Variants in LIPC observed in about 807,000 individuals in gnomAD.
LIPC encodes lipase C, hepatic type.
LIPC carries 44 observed loss-of-function variants against 50.7 expected under a neutral mutation model. The observed-to-expected ratio is 0.87, with a 90% confidence interval of 0.68 to 1.11. LIPC has a LOEUF of 1.11. Ranked by LOEUF, LIPC falls within the 50% of genes most tolerant of loss-of-function variation. LIPC has a pLI of 0.00. For missense variants in LIPC, 697 were observed against 648.2 expected (o/e 1.08, Z -0.82); for synonymous variants, 271 against 256.4 (o/e 1.06, Z -0.54).
intron 5 of LIPC, among the ~76,000 whole-genome samples, chr15:58,546,475 G>A (rs1411781904): frequency 2.0e-5 from 3 of 152,192 alleles, no homozygotes; most frequent in African/African-American, 7.2e-5. Flanking sequence ...GTCCCAATGG[G>A]AAATTCAGCT....
At chr15:58,528,814 C>A (rs1433542387) in intron 1 of LIPC, among the ~76,000 whole-genome samples, 2 of 152,176 alleles carry the variant, frequency 1.3e-5, no homozygotes, top group Non-Finnish European at 2.9e-5. Flanking sequence ...TATAAGGCAC[C>A]CAATTCATCT....
chr15:58,556,450 A>G (rs1356094677), intron 6 of LIPC, among the ~76,000 whole-genome samples: 1 of 152,190 alleles, frequency 6.6e-6, no homozygotes, highest in Non-Finnish European at 1.5e-5. Flanking sequence ...ATAGGATTCC[A>G]ATTAGAATAC....
Position 58,471,336 on chromosome 15 carries a change from G to GGGGGC in LIPC, c.88+39217_88+39218insGGGCG, listed in dbSNP as rs35752762. Among the ~76,000 whole-genome samples, 278 of 135,062 alleles carry GGGGGC rather than the reference G, an allele frequency of 2.1e-3. 3 individuals carry two copies. The highest frequency in any genetic ancestry group is 8.2e-3 in the African/African-American group (255 of 30,960). The allele number at this position is 135,062 out of a possible 152,430, so 88.6% of individuals were successfully genotyped here. A position where few individuals can be genotyped will look rare whatever the true frequency, so the allele number is the denominator to read the frequency against. On this transcript the variant is annotated intron_variant, in intron 1 of 8. Coordinates refer to ENST00000299022, the MANE Select transcript of LIPC (RefSeq NM_000236.3). Reference sequence around the variant, plus strand: ...TGTATTTTTAGTAGAGATGGGGGGGGGTGGTCTCACCATGTTGGCCAAGCT... The same window carrying GGGGGC: ...TGTATTTTTAGTAGAGATGGGGGGGGGGGGCGTGGTCTCACCATGTTGGCCAAGCT...
intron 5 of LIPC, among the ~76,000 whole-genome samples, chr15:58,546,745 C>A (rs772242546): frequency 1.3e-5 from 2 of 152,284 alleles, no homozygotes; most frequent in South Asian, 2.1e-4. Context: ...TCCACCCCTA[C>A]AAGCCACCTC....
chr15:58,490,568 G>A (rs1317729676), intron 1 of LIPC, among the ~76,000 whole-genome samples: 2 of 152,064 alleles, frequency 1.3e-5, no homozygotes, highest in African/African-American at 4.8e-5. Context: ...AATCTGGCCC[G>A]TCACGCCAGC....
intron 6 of LIPC, among the ~76,000 whole-genome samples, chr15:58,550,064 G>A (rs1407898761): frequency 1.3e-5 from 2 of 152,190 alleles, no homozygotes; most frequent in Non-Finnish European, 2.9e-5. Flanking sequence ...TTCAGATGGG[G>A]AAACCAAGGC....
At chr15:58,488,035 C>CCAAG (rs1891437285) in intron 1 of LIPC, among the ~76,000 whole-genome samples, 1 of 152,340 alleles carries the variant, frequency 6.6e-6, no homozygotes, top group African/African-American at 2.4e-5. Context: ...CTTGGGGAGG[C>CCAAG]CAAGGCCAGT....
At chr15:58,484,177 G>A (rs1891286492) in intron 1 of LIPC, among the ~76,000 whole-genome samples, 1 of 152,154 alleles carries the variant, frequency 6.6e-6, no homozygotes, top group Non-Finnish European at 1.5e-5. Flanking sequence ...CCTGGTTATA[G>A]CAAGGCTGTC....
chr15:58,565,198 C>G (rs1472210205), intron 8 of LIPC: 1 of 1,535,514 alleles, frequency 6.5e-7, no homozygotes, highest in African/African-American at 1.4e-5. Flanking sequence ...CAGGATCAAT[C>G]TGGGAAGATT....
intron 1 of LIPC, among the ~76,000 whole-genome samples, chr15:58,523,679 G>C (rs920037441): frequency 3.0e-4 from 45 of 152,218 alleles, no homozygotes; most frequent in African/African-American, 1.1e-3. Context: ...AACACTTTGG[G>C]AGCCCGAGGC....
chr15:58,515,837 T>C (rs1471619202), intron 1 of LIPC, among the ~76,000 whole-genome samples: 1 of 152,154 alleles, frequency 6.6e-6, no homozygotes, highest in Admixed American at 6.5e-5. Flanking sequence ...CTCACAGAGC[T>C]GGGGACAGAT....
chr15:58,510,419 A>G (rs1892292866), intron 1 of LIPC, among the ~76,000 whole-genome samples: 1 of 152,250 alleles, frequency 6.6e-6, no homozygotes. Context: ...CATTATTTGC[A>G]CATAAAAAGG....
chr15:58,524,764 T>C (rs1208493367), intron 1 of LIPC, among the ~76,000 whole-genome samples: 1 of 152,272 alleles, frequency 6.6e-6, no homozygotes, highest in Non-Finnish European at 1.5e-5. Context: ...TGTGGGTTGC[T>C]GTCCTTGGTC....
intron 8 of LIPC, among the ~76,000 whole-genome samples, chr15:58,568,227 G>A (rs2140966459): frequency 6.6e-6 from 1 of 152,288 alleles, no homozygotes; most frequent in South Asian, 2.1e-4. Context: ...GGCTTACAGG[G>A]CTGAGCCAGG....
At chr15:58,480,156 C>G (rs772374015) in intron 1 of LIPC, among the ~76,000 whole-genome samples, 5 of 152,196 alleles carry the variant, frequency 3.3e-5, no homozygotes, top group African/African-American at 1.2e-4. Context: ...TGAAATCTTA[C>G]GCATTCTTCA....
intron 1 of LIPC, among the ~76,000 whole-genome samples, chr15:58,469,452 G>A (rs1004729451): frequency 2.6e-5 from 4 of 152,152 alleles, no homozygotes; most frequent in Non-Finnish European, 5.9e-5. Flanking sequence ...GTGTGGGAGA[G>A]GGGATTTGGC....
intron 1 of LIPC, among the ~76,000 whole-genome samples, chr15:58,496,343 A>C (rs1244242595): frequency 1.3e-5 from 2 of 152,188 alleles, no homozygotes; most frequent in Non-Finnish European, 2.9e-5. Flanking sequence ...TGTGGGATTT[A>C]CCACTTCCTC....
At chr15:58,498,770 C>G (rs1891866459) in intron 1 of LIPC, 1 of 152,232 alleles carries the variant, frequency 6.6e-6, no homozygotes. Context: ...AACCCAGGTT[C>G]AAATCCTAGC....
chr15:58,535,145 C>G (rs575752394), intron 1 of LIPC, among the ~76,000 whole-genome samples: 1 of 152,326 alleles, frequency 6.6e-6, no homozygotes, highest in East Asian at 1.9e-4. Context: ...GACCTCTTCC[C>G]TAAAGCCCCT....
Sources: gnomAD v4.1 joint callset for allele counts (sites outside exome capture counted in the v4.1 genomes callset) on GRCh38, gnomAD v4.1.1 for gene constraint, MANE v1.5 for transcripts, NCBI Gene and HGNC (gene_info 2026-07-23, HGNC 2026-07-21) for gene names.